Variants in PYGM observed in about 807,000 individuals in gnomAD.
PYGM encodes glycogen phosphorylase, muscle form.
A neutral mutation model predicts 99.3 loss-of-function variants in PYGM; 81 were observed. The observed-to-expected ratio is 0.82, with a 90% CI of 0.68 to 0.98. The LOEUF (loss-of-function observed/expected upper bound fraction) is 0.98. PYGM is among the 50% of genes least tolerant of loss of function. The pLI is 0.00. For missense variants in PYGM, 1,030 were observed against 1,158.1 expected (o/e 0.89, Z 1.61); for synonymous variants, 436 against 451.5 (o/e 0.97, Z 0.44).
At chr11:64,760,082 G>A (rs2058424949), upstream of PYGM, 1 of 938,238 alleles carries the variant, frequency 1.1e-6, no homozygotes, top group East Asian at 2.7e-5. Context: ...CTATTTTGAG[G>A]GCAAGGGGAG....
rs752081069 is a variant in PYGM at position 64,753,912 on chromosome 11, CTGGAGG to C, written c.1200_1205del (p.His400_Leu401del). The C allele has an allele frequency of 1.9e-6, 3 of 1,589,616 alleles. No homozygotes were observed. In the South Asian group the frequency reaches 3.4e-5, roughly 18 times the overall value. ...AGCGCTGGTTGATCTCGTAGATGAT[CTGGAGG>C]TGCCGCGGCAGCAGCGTCTCCAAGA... On this transcript the variant is annotated inframe_deletion, in exon 10 of 20. Transcript: ENST00000164139.
At chr11:64,751,688 ACCTTT>A in intron 14 of PYGM, 33 bp from the exon 15 acceptor site, 1 of 1,612,408 alleles carries the variant, frequency 6.2e-7, no homozygotes, top group African/African-American at 1.3e-5. Flanking sequence ...CAGTGGGCCT[ACCTTT>A]CCCTCTGGGT....
At position 64,759,956 on chromosome 11, in the gene PYGM, C is replaced by T. The variant is rs897204681; in HGVS notation, c.-58G>A. Reference sequence around the variant, plus strand: ...GGTAGAGGGGACGGCGGCCTCAGCACTGCCTCCAGCCAAGGAGTGGAGCTC... The same window carrying T: ...GGTAGAGGGGACGGCGGCCTCAGCATTGCCTCCAGCCAAGGAGTGGAGCTC... On this transcript the variant is annotated 5_prime_UTR_variant, in exon 1 of 20. In the 5' UTR this introduces an upstream ATG that the reference lacks. Coordinates refer to ENST00000164139, the MANE Select transcript of PYGM (RefSeq NM_005609.4). 2.5e-6 allele frequency: 4 copies of T among 1,600,820 alleles called. No homozygotes were observed. The highest frequency in any genetic ancestry group is 3.4e-6 in the Non-Finnish European group (4 of 1,172,656).
Position 64,754,240 on chromosome 11 carries a change from C to A in PYGM, c.1092+13G>T. 6.2e-7 allele frequency: 1 copy of A among 1,607,392 alleles called. No homozygotes were observed. Among genetic ancestry groups the A allele is most frequent in the Non-Finnish European group, 8.5e-7 (1 of 1,174,272 alleles). On this transcript the variant is annotated intron_variant, in intron 9 of 19. Coordinates refer to ENST00000164139, the MANE Select transcript of PYGM (RefSeq NM_005609.4). The surrounding 1 kb of genome is among the most constrained non-coding windows in gnomAD (Gnocchi z 5.5). The stretch of plus-strand genomic sequence containing the variant: ...GAGAGCATCAGATGGGGCAGAGGGG[C>A]CCTGAAGCCCACCTTGTCCCAGTCC...
rs372269820 is a variant in PYGM, at chr11:64,758,402, C to A, written c.424+35G>T. ...AGGGACCCAGCAAGGAGGACCCCAT[C>A]GGCCCACTCCACCCTCACGGCCCTG... On this transcript the variant is annotated intron_variant, in intron 3 of 19. Transcript: ENST00000164139. 5 of 1,613,058 alleles carry A rather than the reference C, an allele frequency of 3.1e-6. No individual in the cohort carries two copies. The African/African-American group carries it at 5.3e-5, about 17-fold the overall frequency.
At chr11:64,752,978 G>A (rs1164575441) in intron 12 of PYGM, 95 bp downstream of exon 12, 1 of 1,158,892 alleles carries the variant, frequency 8.6e-7, no homozygotes, top group Non-Finnish European at 1.3e-6. Context: ...CCTTCAGCTG[G>A]GAGCCCTGAT....
rs1359033480 is a variant in PYGM at position 64,752,508 on chromosome 11, T to C, written c.1519-4A>G. On this transcript the variant is annotated splice_polypyrimidine_tract_variant and splice_region_variant and intron_variant, in intron 12 of 19. Transcript: ENST00000164139. ...AGATGAAGTCCTCCCCGATGCGCTA[T>C]GGGAAGACGGCTCTCAGCCAAGCCC... The C allele has an allele frequency of 1.2e-6, 2 of 1,612,882 alleles. No individual in the cohort carries two copies. The highest frequency in any genetic ancestry group is 2.2e-5 in the East Asian group (1 of 44,870).
rs1312650940 is a variant in PYGM, at chr11:64,754,801, C to T, written c.891G>A (p.Glu297=). Residue 297 remains glutamate (E), a synonymous_variant, in exon 8 of 20, where the codon GAG becomes GAA. Transcript: ENST00000164139. The surrounding 1 kb of genome is among the most constrained non-coding windows in gnomAD (Gnocchi z 5.5). ...FEGKELRLKQ[E]YFVVAATLQD... ...GGAGGGTGGCAGCCACCACGAAATACTCCTGCTTCAGCCGCAGCTCCTTCC... is the reference window on the plus strand; with the variant it reads ...GGAGGGTGGCAGCCACCACGAAATATTCCTGCTTCAGCCGCAGCTCCTTCC... 1.2e-6 allele frequency: 2 copies of T among 1,614,016 alleles called. No individual in the cohort carries two copies. The highest frequency in any genetic ancestry group is 2.2e-5 in the South Asian group (2 of 91,082).
chr11:64,752,484 G>C lies in PYGM; in HGVS notation c.1539C>G (p.Ile513Met). 1 of 1,614,162 alleles carries C rather than the reference G, an allele frequency of 6.2e-7. No homozygotes were observed. Reference sequence around the variant, plus strand: ...GTTTGCGCAGCTGGTCCAGGTCAGAGATGAAGTCCTCCCCGATGCGCTATG... The same window carrying C: ...GTTTGCGCAGCTGGTCCAGGTCAGACATGAAGTCCTCCCCGATGCGCTATG... ...VIAERIGEDF[I>M]SDLDQLRKLL... Residue 513 changes from isoleucine (I) to methionine (M), a missense_variant, in exon 13 of 20, where the codon ATC (isoleucine) becomes ATG (methionine). Coordinates refer to ENST00000164139, the MANE Select transcript of PYGM (RefSeq NM_005609.4).
rs1030098234 is a variant in PYGM, at chr11:64,755,683, G to T, written c.661-125C>A. The T allele has an allele frequency of 1.4e-6, 1 of 737,404 alleles. No homozygotes were observed. The highest frequency in any genetic ancestry group is 2.3e-6 in the Non-Finnish European group (1 of 431,322). 45.7% of individuals were successfully genotyped at this position (737,404 alleles called of 1,614,324 possible). ...CAGGCTCTTGTCCTTGTCTAGCATC[G>T]ATGAGCTGGGTAACCATGAGCAAAC... On this transcript the variant is annotated intron_variant, in intron 5 of 19. Coordinates refer to ENST00000164139, the MANE Select transcript of PYGM (RefSeq NM_005609.4). This position sits in a 1 kb window ranked among gnomAD's most constrained non-coding sequence, Gnocchi z 4.1.
intron 16 of PYGM, 141 bp downstream of exon 16, chr11:64,751,184 G>T (rs759520808): frequency 5.4e-6 from 7 of 1,289,592 alleles, no homozygotes; most frequent in East Asian, 2.5e-5. Flanking sequence ...GGGCCACTGC[G>T]CCTGGCCTCC....
chr11:64,758,849 G>T (rs1592416163), intron 1 of PYGM, 145 bp from the exon 2 acceptor site: 2 of 756,932 alleles, frequency 2.6e-6, no homozygotes, highest in Non-Finnish European at 4.6e-6. Flanking sequence ...CCTGTCTCAG[G>T]CTTTGGGGCC....
rs761616685 is a variant in PYGM at position 64,758,701 on chromosome 11, T to A, written c.247A>T (p.Ile83Phe). ...QHYYEKDPKRIYYLSLEFYMG... is the reference protein window; with the variant it reads ...QHYYEKDPKRFYYLSLEFYMG... Reference sequence around the variant, plus strand: ...TAGAACTCTAAAGACAGGTAGTAGATCCTCTGCCCAGAGAGACGGATGGGC... The same window carrying A: ...TAGAACTCTAAAGACAGGTAGTAGAACCTCTGCCCAGAGAGACGGATGGGC... The change falls in exon 2 of 20, where the codon ATC becomes TTC. Residue 83 changes from isoleucine (I) to phenylalanine (F), a missense_variant. Physicochemically the swap from Ile to Phe is conservative, Grantham distance 21. Coordinates refer to ENST00000164139, the MANE Select transcript of PYGM (RefSeq NM_005609.4). The A allele has an allele frequency of 8.1e-6, 13 of 1,602,032 alleles. No homozygotes were observed. The highest frequency in any genetic ancestry group is 1.1e-5 in the Non-Finnish European group (13 of 1,169,422).
rs931468914 is a variant in PYGM at position 64,747,317 on chromosome 11, C to T, written c.2219G>A (p.Arg740Gln). ...QEYYDRIPEL[R>Q]QVIEQLSSGF... ...ACTGCTCAGCTGCTCAATGACCTGC[C>T]GAAGCTCAGGAATGCGATCGTAGTA... Residue 740 changes from arginine to glutamine, a missense_variant, in exon 18 of 20, where the codon CGG becomes CAG. Transcript: ENST00000164139. The T allele has an allele frequency of 3.1e-6, 5 of 1,614,066 alleles. No homozygotes were observed. Among genetic ancestry groups the T allele is most frequent in the Admixed American group, 1.7e-5 (1 of 60,008 alleles).
At position 64,754,246 on chromosome 11, in the gene PYGM, A is replaced by C. The variant is rs1565535891; in HGVS notation, c.1092+7T>G. On this transcript the variant is annotated splice_region_variant and intron_variant, in intron 9 of 19. Coordinates refer to ENST00000164139, the MANE Select transcript of PYGM (RefSeq NM_005609.4). This position sits in a 1 kb window ranked among gnomAD's most constrained non-coding sequence, Gnocchi z 5.5. ...ATCAGATGGGGCAGAGGGGCCCTGA[A>C]GCCCACCTTGTCCCAGTCCATCCGT... The C allele has an allele frequency of 1.2e-6, 2 of 1,610,324 alleles. No homozygotes were observed. Among genetic ancestry groups the C allele is most frequent in the Admixed American group, 1.7e-5 (1 of 59,974 alleles).
At chr11:64,751,191 C>T (rs2058353304) in intron 16 of PYGM, 134 bp downstream of exon 16, 3 of 1,371,116 alleles carry the variant, frequency 2.2e-6, no homozygotes, top group South Asian at 1.2e-5. Context: ...TGCGCCTGGC[C>T]TCCTCATGGT....
In PYGM at chr11:64,753,616, C is replaced by G. The variant is rs199728804; in HGVS notation, c.1306G>C (p.Ala436Pro). 1 of 1,608,452 alleles carries G rather than the reference C, an allele frequency of 6.2e-7. No individual in the cohort carries two copies. The highest frequency in any genetic ancestry group is 8.5e-7 in the Non-Finnish European group (1 of 1,179,292). ...TGTGCCATGTTGATGCGCTTCACTG[C>G]GCCCTCCTCCACCAGCGACATGCGC... ...LRRMSLVEEGAVKRINMAHLC... is the reference protein window; with the variant it reads ...LRRMSLVEEGPVKRINMAHLC... The change falls in exon 11 of 20, where the codon GCA becomes CCA. Residue 436 changes from alanine (A) to proline (P), a missense_variant. Ala to Pro is a conservative substitution (Grantham distance 27, BLOSUM62 -1). Transcript: ENST00000164139.
intron 5 of PYGM, 132 bp downstream of exon 5, chr11:64,757,647 G>T: frequency 1.5e-6 from 2 of 1,347,974 alleles, no homozygotes; most frequent in Non-Finnish European, 2.1e-6. Flanking sequence ...GTGTGACTTT[G>T]AGTAAGTCAC....
rs200058475 is a variant in PYGM at position 64,747,354 on chromosome 11, T to C, written c.2182A>G (p.Asn728Asp). 140 of 1,614,072 alleles carry C rather than the reference T, an allele frequency of 8.7e-5. No individual in the cohort carries two copies. The highest frequency in any genetic ancestry group is 2.9e-5 in the Non-Finnish European group (34 of 1,180,034). ...DVDKLDQRGY[N>D]AQEYYDRIPE... ...ATGCGATCGTAGTACTCCTGGGCAT[T>C]GTACCTGCCAGGACAGAGCTGTGGT... The change falls in exon 18 of 20, where the codon AAT (asparagine) becomes GAT (aspartate). Residue 728 changes from asparagine (N) to aspartate (D), a missense_variant. Physicochemically the swap from Asn to Asp is conservative, Grantham distance 23. Transcript: ENST00000164139.
Sources: gnomAD v4.1 joint callset for allele counts on GRCh38, gnomAD v4.1.1 for gene constraint, Gnocchi (gnomAD v3.1) non-coding constraint, MANE v1.5 for transcripts, NCBI Gene and HGNC (gene_info 2026-07-23, HGNC 2026-07-21) for gene names.